CRB1: variants seen among roughly 807,000 people sequenced by gnomAD.
The protein encoded by CRB1 is crumbs cell polarity complex component 1, also known as protein crumbs homolog 1.
A neutral mutation model predicts 120.0 loss-of-function variants in CRB1; 83 were observed. That is an observed-to-expected ratio of 0.69 (90% CI 0.58 to 0.83). CRB1 has a LOEUF of 0.83. CRB1 is among the 40% of genes least tolerant of loss of function. The pLI is 0.00. For synonymous variants in CRB1, 625 were observed against 612.5 expected, an observed-to-expected ratio of 1.02 and a Z score of -0.30; for missense variants, 1,699 against 1,687.6, an observed-to-expected ratio of 1.01 and a Z score of -0.12.
chr1:197,364,041 G>A, intron 5 of CRB1: 1 of 1,373,670 alleles, frequency 7.3e-7, no homozygotes, highest in Admixed American at 1.7e-5. Flanking sequence ...TCAACTTCTT[G>A]ATGCGAAAGA....
chr1:197,267,570 A>G (rs113572708), upstream of CRB1, among the ~76,000 whole-genome samples: 213 of 152,346 alleles, frequency 1.4e-3, 1 homozygote, highest in Non-Finnish European at 2.5e-3. Context: ...AACACCAATT[A>G]GAAAATAAAG....
At chr1:197,291,379 A>G (rs1656172133) in intron 1 of CRB1, among the ~76,000 whole-genome samples, 1 of 151,810 alleles carries the variant, frequency 6.6e-6, no homozygotes, top group Non-Finnish European at 1.5e-5. Context: ...TTACATTGGG[A>G]AATTTAATAT....
intron 5 of CRB1, among the ~76,000 whole-genome samples, chr1:197,365,596 CT>C (rs1181391188): frequency 7.0e-6 from 1 of 142,314 alleles, no homozygotes; most frequent in African/African-American, 2.9e-5. Context: ...TCTCCTTCTC[CT>C]CCTTCTCCTT....
chr1:197,323,400 G>A (rs552356744), intron 1 of CRB1, among the ~76,000 whole-genome samples: 5 of 152,036 alleles, frequency 3.3e-5, no homozygotes, highest in East Asian at 3.9e-4. Context: ...TTTATGGAGC[G>A]GGAAAAAACT....
At position 197,421,878 on chromosome 1, in the gene CRB1, A is replaced by G. The variant is rs749474420; in HGVS notation, c.2050A>G (p.Arg684Gly). 6.2e-7 allele frequency: 1 copy of G among 1,614,254 alleles called. No individual in the cohort carries two copies. Among genetic ancestry groups the G allele is most frequent in the Non-Finnish European group, 8.5e-7 (1 of 1,180,050 alleles). The change falls in exon 6 of 12, where the codon AGA (arginine) becomes GGA (glycine). Residue 684 changes from arginine to glycine, a missense_variant. Arg to Gly is a moderately radical substitution (Grantham distance 125). Coordinates refer to ENST00000367400, the MANE Select transcript of CRB1 (RefSeq NM_201253.3). ...GTGTGAAAGCCAACCTTGTCAAAGC[A>G]GAGGACGCTGCATCAACTTGTGGCT... ...DWCESQPCQS[R>G]GRCINLWLSY...
chr1:197,348,819 T>C (rs1393267725), intron 4 of CRB1, among the ~76,000 whole-genome samples: 1 of 152,182 alleles, frequency 6.6e-6, no homozygotes, highest in African/African-American at 2.4e-5. Context: ...GTTTGTGATT[T>C]AAGCTAAGCA....
chr1:197,261,301 G>A, the CRB1 span, among the ~76,000 whole-genome samples: 1 of 152,280 alleles, frequency 6.6e-6, no homozygotes, highest in Middle Eastern at 3.4e-3. Context: ...GAACAAACGG[G>A]TGTGTAAAAT....
At chr1:197,304,158 C>A (rs1421992800) in intron 1 of CRB1, among the ~76,000 whole-genome samples, 1 of 152,042 alleles carries the variant, frequency 6.6e-6, no homozygotes, top group Non-Finnish European at 1.5e-5. Context: ...TTAGGTAATT[C>A]TAGGTCATTA....
chr1:197,425,509 G>C (rs772799799), intron 6 of CRB1, among the ~76,000 whole-genome samples: 1 of 152,082 alleles, frequency 6.6e-6, no homozygotes, highest in Non-Finnish European at 1.5e-5. Context: ...TTTTTTTCTG[G>C]TTAGTACTGG....
At chr1:197,451,614 G>A (rs187328237) in intron 11 of CRB1, among the ~76,000 whole-genome samples, 2 of 152,298 alleles carry the variant, frequency 1.3e-5, no homozygotes, top group African/African-American at 4.8e-5. Context: ...GGGCCTGGAT[G>A]TTTGCCATGT....
At chr1:197,293,367 AC>A (rs1288544067) in intron 1 of CRB1, among the ~76,000 whole-genome samples, 2 of 152,144 alleles carry the variant, frequency 1.3e-5, no homozygotes, top group Non-Finnish European at 2.9e-5. Context: ...GACGTGAAGG[AC>A]CTCTTCAAGG....
At chr1:197,442,490 T>G in intron 11 of CRB1, 198 bp downstream of exon 11, 3 of 1,490,272 alleles carry the variant, frequency 2.0e-6, no homozygotes, top group Non-Finnish European at 2.7e-6. Flanking sequence ...TCATTTTAGA[T>G]CTCTGGGGAA....
chr1:197,380,121 G>T (rs759637029), intron 5 of CRB1, among the ~76,000 whole-genome samples: 3 of 152,200 alleles, frequency 2.0e-5, no homozygotes, highest in Non-Finnish European at 2.9e-5. Flanking sequence ...CCTCGGTTCT[G>T]CAGAGCCCAA....
chr1:197,420,922 T>C (rs1664269777), intron 5 of CRB1, 78 bp from the exon 6 acceptor site: 6 of 972,826 alleles, frequency 6.2e-6, no homozygotes, highest in Admixed American at 1.7e-5. Context: ...TTCTGCAAGA[T>C]TATACAAGTA....
intron 5 of CRB1, among the ~76,000 whole-genome samples, chr1:197,366,451 A>G (rs1444568771): frequency 1.3e-5 from 2 of 152,144 alleles, no homozygotes; most frequent in Non-Finnish European, 2.9e-5. Flanking sequence ...CTTTTTTTGT[A>G]TTATAATTAA....
At chr1:197,219,788 TCTGTG>T in the CRB1 span, among the ~76,000 whole-genome samples, 1 of 152,202 alleles carries the variant, frequency 6.6e-6, no homozygotes, top group African/African-American at 2.4e-5. Flanking sequence ...TTTCCCTCTC[TCTGTG>T]CTCCAGCCAC....
intron 1 of CRB1, among the ~76,000 whole-genome samples, chr1:197,325,583 C>T (rs1324772958): frequency 6.6e-6 from 1 of 151,934 alleles, no homozygotes; most frequent in Non-Finnish European, 1.5e-5. Flanking sequence ...TGGAAAATTA[C>T]TCAATTTTTT....
chr1:197,269,915 G>C (rs973593472), intron 1 of CRB1, among the ~76,000 whole-genome samples: 1 of 151,990 alleles, frequency 6.6e-6, no homozygotes, highest in African/African-American at 2.4e-5. Context: ...TATTTTATTT[G>C]TTCTCCAGCA....
At chr1:197,424,438 A>G (rs1297715493) in intron 6 of CRB1, among the ~76,000 whole-genome samples, 1 of 152,120 alleles carries the variant, frequency 6.6e-6, no homozygotes, top group Non-Finnish European at 1.5e-5. Context: ...TATTCAGGCT[A>G]AACATCCTGT....
Sources: gnomAD v4.1 joint callset for allele counts (sites outside exome capture counted in the v4.1 genomes callset) on GRCh38, gnomAD v4.1.1 for gene constraint, MANE v1.5 for transcripts, NCBI Gene and HGNC (gene_info 2026-07-23, HGNC 2026-07-21) for gene names.